ERC1: variants seen among roughly 807,000 people sequenced by gnomAD.
ERC1 encodes ELKS/RAB6-interacting/CAST family member 1.
Under a neutral mutation model 132.0 loss-of-function variants are expected in ERC1, and 56 were observed. The observed-to-expected ratio is 0.42, with a 90% CI of 0.34 to 0.53. The LOEUF is 0.53. Among genes scored for constraint, ERC1 ranks in the 20% least tolerant of loss-of-function variants. The probability of loss-of-function intolerance (pLI) is 0.03; values close to 1 mark genes in which losing one functional copy is unlikely to be tolerated. For synonymous variants in ERC1, 478 were observed against 476.1 expected (o/e 1.00, Z -0.05); for missense variants, 1,202 against 1,349.9 (o/e 0.89, Z 1.72).
intron 17 of ERC1, among the ~76,000 whole-genome samples, chr12:1,442,808 C>T (rs746311662): frequency 1.3e-5 from 2 of 152,162 alleles, no homozygotes; most frequent in Admixed American, 6.5e-5. Flanking sequence ...ATGTATCAAG[C>T]AAAATGTGAG....
At chr12:1,228,801 C>A (rs1019770332) in intron 12 of ERC1, among the ~76,000 whole-genome samples, 3 of 152,196 alleles carry the variant, frequency 2.0e-5, no homozygotes, top group African/African-American at 7.2e-5. Flanking sequence ...ATCGTTCATT[C>A]TGTTAGTGTG....
At chr12:1,068,959 A>G (rs1347687444) in intron 2 of ERC1, among the ~76,000 whole-genome samples, 2 of 151,716 alleles carry the variant, frequency 1.3e-5, no homozygotes, top group African/African-American at 2.4e-5. Context: ...TTTTTGGCGA[A>G]TGGTTGTTTG....
chr12:1,030,064 G>C (rs1194018445), intron 2 of ERC1, among the ~76,000 whole-genome samples: 1 of 152,100 alleles, frequency 6.6e-6, no homozygotes, highest in African/African-American at 2.4e-5. Flanking sequence ...TTGTTTAAAA[G>C]ACTTTTAGAA....
chr12:1,463,484 A>G (rs59624680), intron 18 of ERC1, among the ~76,000 whole-genome samples: 7,771 of 152,168 alleles, frequency 0.051, 246 homozygotes, highest in African/African-American at 0.065. Flanking sequence ...AATGTTTCTG[A>G]TCTGGTTTTC....
intron 18 of ERC1, among the ~76,000 whole-genome samples, chr12:1,485,202 T>TCTTTTC (rs201710773): frequency 0.03 from 1,854 of 60,854 alleles, 50 homozygotes; most frequent in African/African-American, 0.095. Context: ...TTTATATTTC[T>TCTTTTC]TTTTTTTTTT....
At chr12:1,118,698 T>C (rs1204751064) in intron 7 of ERC1, among the ~76,000 whole-genome samples, 2 of 152,226 alleles carry the variant, frequency 1.3e-5, no homozygotes, top group Non-Finnish European at 2.9e-5. Flanking sequence ...AACTTGCCAG[T>C]GTTAGAGCCC....
At chr12:1,134,728 C>CTTTTTTT (rs201981125) in intron 7 of ERC1, among the ~76,000 whole-genome samples, 1 of 136,072 alleles carries the variant, frequency 7.3e-6, no homozygotes, top group Non-Finnish European at 1.6e-5. Context: ...TCCTCAGTAA[C>CTTTTTTT]TTTTTTTTTT....
intron 8 of ERC1, among the ~76,000 whole-genome samples, chr12:1,167,720 T>C (rs1360105004): frequency 6.6e-6 from 1 of 150,460 alleles, no homozygotes; most frequent in East Asian, 1.9e-4. Context: ...TTCTTTTCTT[T>C]TTTTTTTTTT....
At chr12:1,319,349 G>C (rs189401566) in intron 15 of ERC1, among the ~76,000 whole-genome samples, 2 of 152,192 alleles carry the variant, frequency 1.3e-5, no homozygotes, top group East Asian at 3.9e-4. Flanking sequence ...TTAGCTTTCT[G>C]CTTTCCTTCG....
At chr12:1,017,293 G>A (rs1002260960) in intron 1 of ERC1, among the ~76,000 whole-genome samples, 8 of 151,158 alleles carry the variant, frequency 5.3e-5, no homozygotes, top group Admixed American at 6.6e-5. Context: ...CACCATGCTC[G>A]TCCTGAATAT....
At chr12:1,270,356 C>T (rs2077750259) in intron 14 of ERC1, among the ~76,000 whole-genome samples, 1 of 151,982 alleles carries the variant, frequency 6.6e-6, no homozygotes. Context: ...TAAAGGTGCC[C>T]ACCACCACGC....
At chr12:1,288,865 T>G (rs970713816) in intron 14 of ERC1, among the ~76,000 whole-genome samples, 2 of 152,182 alleles carry the variant, frequency 1.3e-5, no homozygotes, top group African/African-American at 2.4e-5. Flanking sequence ...TGAACAAGTT[T>G]ATTTAAATAA....
At chr12:1,217,302 G>A (rs2154293427) in intron 12 of ERC1, among the ~76,000 whole-genome samples, 1 of 152,134 alleles carries the variant, frequency 6.6e-6, no homozygotes, top group African/African-American at 2.4e-5. Context: ...TCATATCCTT[G>A]GTCTGTTTTA....
chr12:1,400,924 T>A (rs1406239126), intron 16 of ERC1, among the ~76,000 whole-genome samples: 918 of 61,976 alleles, frequency 0.015, 51 homozygotes, highest in African/African-American at 0.083. Flanking sequence ...GTATTTTTTT[T>A]TTTTTTTTTT....
chr12:1,356,024 G>C (rs1381991354), intron 15 of ERC1, among the ~76,000 whole-genome samples: 1 of 152,036 alleles, frequency 6.6e-6, no homozygotes, highest in Non-Finnish European at 1.5e-5. Flanking sequence ...TGGGCAACGT[G>C]ATGAAACCCT....
chr12:1,053,165 G>A (rs1400633979), intron 2 of ERC1, among the ~76,000 whole-genome samples: 2 of 152,056 alleles, frequency 1.3e-5, no homozygotes, highest in Non-Finnish European at 2.9e-5. Context: ...ATTCTAAAAC[G>A]CTTGTTCAAT....
At chr12:1,011,647 T>C (rs116870445) in intron 1 of ERC1, among the ~76,000 whole-genome samples, 5,773 of 152,304 alleles carry the variant, frequency 0.038, 152 homozygotes, top group South Asian at 0.058. Flanking sequence ...AAATATATTC[T>C]TGAAGGCTGG....
chr12:1,182,789 G>C (rs1275075089), intron 10 of ERC1, among the ~76,000 whole-genome samples: 1 of 151,824 alleles, frequency 6.6e-6, no homozygotes, highest in Non-Finnish European at 1.5e-5. Flanking sequence ...AGTCTTCCAT[G>C]TAGCTAGGAC....
chr12:1,405,311 G>A (rs968446244), intron 16 of ERC1, among the ~76,000 whole-genome samples: 5 of 147,942 alleles, frequency 3.4e-5, no homozygotes, highest in African/African-American at 7.5e-5. Context: ...TTTTTCTATC[G>A]TTATGTACTG....
Sources: allele counts gnomAD v4.1 joint callset (sites outside exome capture counted in the v4.1 genomes callset), GRCh38; gene constraint gnomAD v4.1.1; transcripts MANE v1.5; gene names NCBI Gene and HGNC (gene_info 2026-07-23, HGNC 2026-07-21).